The following CLSTN2 variants were observed in gnomAD, a reference collection of about 807,000 sequenced individuals.
CLSTN2 encodes calsyntenin 2.
CLSTN2 carries 48 observed loss-of-function variants against 101.2 expected under a neutral mutation model. That is an observed-to-expected ratio of 0.47 (90% CI 0.38 to 0.60). The LOEUF (loss-of-function observed/expected upper bound fraction) is 0.60, where lower values mean the gene tolerates loss of function less well. CLSTN2 is among the 20% of genes least tolerant of loss of function. CLSTN2 has a pLI of 0.00. For missense variants in CLSTN2, 1,160 were observed against 1,238.2 expected (o/e 0.94, Z 0.95); for synonymous variants, 481 against 463.6 (o/e 1.04, Z -0.48).
At chr3:140,239,912 C>A (rs2107866361) in intron 2 of CLSTN2, among the ~76,000 whole-genome samples, 1 of 101,190 alleles carries the variant, frequency 9.9e-6, no homozygotes, top group South Asian at 4.1e-4. Context: ...CACACAAACA[C>A]TCATATTTAT....
chr3:140,463,350 T>G (rs993922598), intron 7 of CLSTN2, among the ~76,000 whole-genome samples: 1 of 151,890 alleles, frequency 6.6e-6, no homozygotes, highest in Non-Finnish European at 1.5e-5. Flanking sequence ...GGGGCCAACC[T>G]TGTTCAGCAA....
chr3:140,027,790 T>A (rs2007452437), intron 1 of CLSTN2, among the ~76,000 whole-genome samples: 1 of 152,124 alleles, frequency 6.6e-6, no homozygotes, highest in Non-Finnish European at 1.5e-5. Flanking sequence ...AAATTTTGTT[T>A]CCGCAAAGAT....
intron 1 of CLSTN2, among the ~76,000 whole-genome samples, chr3:140,075,241 C>T (rs2008467457): frequency 6.6e-6 from 1 of 151,754 alleles, no homozygotes; most frequent in Non-Finnish European, 1.5e-5. Context: ...CTTTGGGTTC[C>T]TTTTCTCTTT....
chr3:140,438,353 G>A (rs1220706269), intron 5 of CLSTN2, among the ~76,000 whole-genome samples: 1 of 135,962 alleles, frequency 7.4e-6, no homozygotes, highest in South Asian at 2.5e-4. Flanking sequence ...GTGAGAATTT[G>A]ATTTCAGCTT....
chr3:140,143,079 T>G (rs1028422178), intron 1 of CLSTN2, among the ~76,000 whole-genome samples: 1 of 152,186 alleles, frequency 6.6e-6, no homozygotes, highest in Non-Finnish European at 1.5e-5. Context: ...TGCTATGAAT[T>G]CCAATAATGT....
intron 1 of CLSTN2, among the ~76,000 whole-genome samples, chr3:140,166,945 C>T (rs755362273): frequency 6.6e-6 from 1 of 152,088 alleles, no homozygotes; most frequent in Non-Finnish European, 1.5e-5. Flanking sequence ...TCAAATGAAG[C>T]GAAGCATGAG....
chr3:140,377,022 C>CACACAGAGAGAG (rs148236356), intron 2 of CLSTN2, among the ~76,000 whole-genome samples: 15 of 148,830 alleles, frequency 1.0e-4, no homozygotes, highest in African/African-American at 3.0e-4. Context: ...CACACATACA[C>CACACAGAGAGAG]AGAGAGAGAG....
At chr3:140,145,418 A>G (rs1298476320) in intron 1 of CLSTN2, among the ~76,000 whole-genome samples, 2 of 152,278 alleles carry the variant, frequency 1.3e-5, no homozygotes, top group Admixed American at 6.5e-5. Flanking sequence ...CCCGGCACAC[A>G]TGGGCACTGT....
intron 5 of CLSTN2, among the ~76,000 whole-genome samples, chr3:140,438,295 C>A (rs1468193463): frequency 6.6e-6 from 1 of 151,742 alleles, no homozygotes; most frequent in East Asian, 1.9e-4. Flanking sequence ...TAGAGGGTAT[C>A]AGTGTATTCA....
intron 1 of CLSTN2, among the ~76,000 whole-genome samples, chr3:139,939,787 G>A (rs138135770): frequency 1.7e-3 from 261 of 152,332 alleles, no homozygotes; most frequent in African/African-American, 6.1e-3. Context: ...AGTAGCAGGT[G>A]TCTTCTAGTG....
chr3:140,515,456 C>T (rs1452338128), intron 8 of CLSTN2, among the ~76,000 whole-genome samples: 3 of 152,086 alleles, frequency 2.0e-5, no homozygotes, highest in Admixed American at 6.6e-5. Flanking sequence ...GAGGTGTGGC[C>T]TTAGATTGTC....
intron 5 of CLSTN2, among the ~76,000 whole-genome samples, chr3:140,439,459 GT>G (rs1293876183): frequency 6.6e-6 from 1 of 152,250 alleles, no homozygotes; most frequent in Admixed American, 6.5e-5. Flanking sequence ...AGTCATCACA[GT>G]GTTGATTTGG....
chr3:139,951,785 T>C (rs1042484117), intron 1 of CLSTN2, among the ~76,000 whole-genome samples: 2 of 152,094 alleles, frequency 1.3e-5, no homozygotes, highest in African/African-American at 4.8e-5. Context: ...ATAACATCAT[T>C]TGATGTTTAT....
intron 5 of CLSTN2, among the ~76,000 whole-genome samples, chr3:140,428,126 ATTGT>A (rs1156308335): frequency 5.3e-5 from 8 of 151,996 alleles, no homozygotes; most frequent in Non-Finnish European, 1.0e-4. Flanking sequence ...CCTTTAGAAG[ATTGT>A]TTGTAATCCA....
intron 8 of CLSTN2, among the ~76,000 whole-genome samples, chr3:140,486,078 G>A (rs556110677): frequency 6.7e-4 from 102 of 151,810 alleles, no homozygotes; most frequent in African/African-American, 2.2e-3. Flanking sequence ...CTATTTGGCC[G>A]TCTTGGCTCC....
chr3:140,299,574 T>A (rs2107908681), intron 2 of CLSTN2, among the ~76,000 whole-genome samples: 1 of 152,180 alleles, frequency 6.6e-6, no homozygotes, highest in South Asian at 2.1e-4. Flanking sequence ...TGTGTATCAG[T>A]CCTCATCCTG....
intron 1 of CLSTN2, among the ~76,000 whole-genome samples, chr3:140,163,733 C>T (rs999251176): frequency 2.6e-5 from 4 of 151,142 alleles, no homozygotes; most frequent in Middle Eastern, 6.8e-3. Flanking sequence ...GTTCCTTAAG[C>T]TCTCTGAACC....
At position 140,240,319 on chromosome 3, in the gene CLSTN2, CAT is replaced by C. The variant is rs1491230653; in HGVS notation, c.232+64248_232+64249del. The stretch of plus-strand genomic sequence containing the variant: ...ATATATATATATACACACACACACA[CAT>C]ACACATACACATACATATAAAATAC... On this transcript the variant is annotated intron_variant, in intron 2 of 16. Transcript: ENST00000458420. Among the ~76,000 whole-genome samples, 23 of 146,414 alleles carry C rather than the reference CAT, an allele frequency of 1.6e-4. 1 individual carries two copies. The highest frequency in any genetic ancestry group is 1.3e-3 in the South Asian group (6 of 4,596).
intron 2 of CLSTN2, among the ~76,000 whole-genome samples, chr3:140,281,768 GA>G (rs2086849764): frequency 8.1e-4 from 2 of 2,470 alleles, no homozygotes; most frequent in Admixed American, 0.026. Context: ...GAGAGCGAGA[GA>G]GAGAGAGAGA....
Sources: allele counts gnomAD v4.1 joint callset (sites outside exome capture counted in the v4.1 genomes callset), GRCh38; gene constraint gnomAD v4.1.1; transcripts MANE v1.5; gene names NCBI Gene and HGNC (gene_info 2026-07-23, HGNC 2026-07-21).